Variants in CFAP54 observed in about 807,000 individuals in gnomAD.
CFAP54 encodes cilia and flagella associated protein 54, also known as cilia- and flagella-associated protein 54.
A neutral mutation model predicts 370.4 loss-of-function variants in CFAP54; 290 were observed. That is an observed-to-expected ratio of 0.78 (90% CI 0.71 to 0.86). CFAP54 has a LOEUF of 0.86. Among genes scored for constraint, CFAP54 ranks in the 40% least tolerant of loss-of-function variants. CFAP54 has a pLI of 0.00. For missense variants in CFAP54, 3,399 were observed against 3,528.7 expected (o/e 0.96, Z 0.93); for synonymous variants, 1,206 against 1,236.5 (o/e 0.98, Z 0.52).
chr12:96,734,137 T>C (rs867851393), intron 50 of CFAP54, among the ~76,000 whole-genome samples: 7 of 152,206 alleles, frequency 4.6e-5, no homozygotes, highest in African/African-American at 1.7e-4. Context: ...TCTACAAATA[T>C]CTAAACCATT....
At chr12:96,823,054 G>A (rs1959050120) in intron 65 of CFAP54, among the ~76,000 whole-genome samples, 1 of 152,052 alleles carries the variant, frequency 6.6e-6, no homozygotes, top group Non-Finnish European at 1.5e-5. Context: ...TGGCAGTGGG[G>A]TTACTGATGC....
chr12:96,518,776 A>G (rs575930706), intron 5 of CFAP54, among the ~76,000 whole-genome samples, 152 bp from the exon 6 acceptor site: 40 of 150,010 alleles, frequency 2.7e-4, no homozygotes, highest in African/African-American at 9.4e-4. Context: ...TACTTTTTAA[A>G]TGCTTGTTTC....
intron 15 of CFAP54, among the ~76,000 whole-genome samples, chr12:96,552,624 G>T (rs913732056): frequency 3.3e-5 from 5 of 152,164 alleles, no homozygotes; most frequent in African/African-American, 1.2e-4. Flanking sequence ...GGTTACAGGC[G>T]TGAGCCACCA....
intron 67 of CFAP54, among the ~76,000 whole-genome samples, chr12:96,862,749 G>A (rs188218602): frequency 8.5e-5 from 13 of 152,326 alleles, no homozygotes; most frequent in Non-Finnish European, 1.6e-4. Context: ...AAAGCTATTT[G>A]GATGGTAATG....
chr12:96,738,917 C>T (rs1958015863), intron 50 of CFAP54, among the ~76,000 whole-genome samples: 1 of 152,120 alleles, frequency 6.6e-6, no homozygotes, highest in Admixed American at 6.5e-5. Flanking sequence ...GCCCAAATCT[C>T]CCTTTTTACA....
Position 96,521,537 on chromosome 12 carries a change from TGTGTGTGTGTGCGC to T in CFAP54, c.943-316_943-303del, listed in dbSNP as rs762560998. On this transcript the variant is annotated intron_variant, in intron 6 of 67. Coordinates refer to ENST00000524981, the MANE Select transcript of CFAP54 (RefSeq NM_001306084.2). ...GTGTGTGTGTGTGTGTGTGTGTGTGTGTGTGTGTGTGCGCGTGCGCACATGAGGACGTGCGGTGC... is the reference window on the plus strand; with the variant it reads ...GTGTGTGTGTGTGTGTGTGTGTGTGTGTGCGCACATGAGGACGTGCGGTGC... Among the ~76,000 whole-genome samples, 270 of 127,106 alleles carry T rather than the reference TGTGTGTGTGTGCGC, an allele frequency of 2.1e-3. 1 individual carries two copies. The highest frequency in any genetic ancestry group is 8.3e-3 in the African/African-American group (252 of 30,278). The allele number at this position is 127,106 out of a possible 152,430, so 83.4% of individuals were successfully genotyped here.
chr12:96,647,723 A>C (rs1249380954), intron 33 of CFAP54, among the ~76,000 whole-genome samples, 152 bp from the exon 34 acceptor site: 1 of 152,094 alleles, frequency 6.6e-6, no homozygotes, highest in Non-Finnish European at 1.5e-5. Flanking sequence ...TTAGTGAAAA[A>C]ATGTTGGGCT....
chr12:96,727,343 G>T (rs12229549), intron 50 of CFAP54, among the ~76,000 whole-genome samples: 11,289 of 146,912 alleles, frequency 0.077, 792 homozygotes, highest in East Asian at 0.39. Context: ...GGACTTGCTT[G>T]ATGAATCTGG....
chr12:96,826,746 T>TTATATAATACATATCAATATATTATATAA (rs1347993411), intron 65 of CFAP54, among the ~76,000 whole-genome samples: 6 of 112,526 alleles, frequency 5.3e-5, no homozygotes, highest in African/African-American at 2.2e-4. Context: ...TATATAATTC[T>TTATATAATACATATCAATATATTATATAA]TATATAATAC....
intron 19 of CFAP54, chr12:96,573,007 C>A: frequency 1.0e-6 from 1 of 985,348 alleles, no homozygotes. Flanking sequence ...ATTTTGAGAT[C>A]AAATTTGGAG....
At chr12:96,688,840 A>G (rs1957356637) in intron 42 of CFAP54, 76 bp from the exon 43 acceptor site, 1 of 741,478 alleles carries the variant, frequency 1.3e-6, no homozygotes, top group Admixed American at 2.6e-5. Flanking sequence ...TTCTAGATAT[A>G]TATGTAAAGA....
intron 26 of CFAP54, among the ~76,000 whole-genome samples, chr12:96,613,738 C>T (rs1956385657): frequency 6.6e-6 from 1 of 152,138 alleles, no homozygotes; most frequent in South Asian, 2.1e-4. Flanking sequence ...ATACTATAAA[C>T]ACCTATATGC....
At chr12:96,772,147 G>C (rs1485255330) in intron 60 of CFAP54, among the ~76,000 whole-genome samples, 1 of 151,992 alleles carries the variant, frequency 6.6e-6, no homozygotes, top group African/African-American at 2.4e-5. Context: ...GATACGAAAG[G>C]GTATCTTTCC....
At chr12:96,538,640 A>G (rs1955535634) in intron 13 of CFAP54, 122 bp downstream of exon 13, 6 of 895,386 alleles carry the variant, frequency 6.7e-6, no homozygotes, top group South Asian at 3.5e-5. Flanking sequence ...ATTTGCATAT[A>G]TACATATATA....
chr12:96,505,691 TG>T (rs1955092201), intron 3 of CFAP54, among the ~76,000 whole-genome samples: 1 of 151,904 alleles, frequency 6.6e-6, no homozygotes, highest in South Asian at 2.1e-4. Context: ...TTAGTAGAGA[TG>T]GGGTTTCTCC....
intron 14 of CFAP54, among the ~76,000 whole-genome samples, chr12:96,545,910 G>A (rs568922651): frequency 2.0e-5 from 3 of 152,182 alleles, no homozygotes; most frequent in South Asian, 2.1e-4. Flanking sequence ...GCATGGAAGC[G>A]CCATGCCCCT....
In CFAP54 at chr12:96,510,069, G is replaced by A. The variant is rs145738769; in HGVS notation, c.740-2917G>A. 1.3e-3 allele frequency among the ~76,000 whole-genome samples: 190 copies of A among 151,408 alleles called. 1 individual carries two copies. Among genetic ancestry groups the A allele is most frequent in the African/African-American group, 4.4e-3 (182 of 41,248 alleles). On this transcript the variant is annotated intron_variant, in intron 4 of 67. Coordinates refer to ENST00000524981, the MANE Select transcript of CFAP54 (RefSeq NM_001306084.2). ...CAGGTGAAAGACCAGCCTGGCCAACGTAGTGAAACCCCATCTCTACTAAGA... is the reference window on the plus strand; with the variant it reads ...CAGGTGAAAGACCAGCCTGGCCAACATAGTGAAACCCCATCTCTACTAAGA...
intron 26 of CFAP54, among the ~76,000 whole-genome samples, chr12:96,615,055 A>T (rs1232934763): frequency 3.3e-5 from 5 of 152,220 alleles, no homozygotes; most frequent in East Asian, 1.9e-4. Context: ...CATTGCCAAG[A>T]CAATCCTAAG....
chr12:96,583,780 A>G (rs1463204090), intron 22 of CFAP54, among the ~76,000 whole-genome samples: 1 of 152,182 alleles, frequency 6.6e-6, no homozygotes, highest in Non-Finnish European at 1.5e-5. Flanking sequence ...GGTTCCAGGA[A>G]GTCATGTATT....
Sources: allele counts gnomAD v4.1 joint callset (sites outside exome capture counted in the v4.1 genomes callset), GRCh38; gene constraint gnomAD v4.1.1; transcripts MANE v1.5; gene names NCBI Gene and HGNC (gene_info 2026-07-23, HGNC 2026-07-21).